TBC1D12: variants seen among roughly 807,000 people sequenced by gnomAD.
The protein encoded by TBC1D12 is TBC1 domain family, member 12.
TBC1D12 carries 56 observed loss-of-function variants against 86.7 expected under a neutral mutation model. The ratio of observed to expected loss-of-function variants is 0.65; its 90% CI spans 0.52 to 0.81. The LOEUF is 0.81. Among genes scored for constraint, TBC1D12 ranks in the 30% least tolerant of loss-of-function variants. The pLI is 0.00. For synonymous variants in TBC1D12, 421 were observed against 411.7 expected, an observed-to-expected ratio of 1.02 and a Z score of -0.27; for missense variants, 1,023 against 1,038.8, an observed-to-expected ratio of 0.98 and a Z score of 0.21.
chr10:94,469,804 C>T (rs2055877426), intron 2 of TBC1D12, among the ~76,000 whole-genome samples: 1 of 152,172 alleles, frequency 6.6e-6, no homozygotes, highest in Admixed American at 6.5e-5. Flanking sequence ...CCCCAAAATT[C>T]TAGCCCTTTG....
At chr10:94,522,160 C>A in intron 10 of TBC1D12, 77 bp downstream of exon 10, 1 of 1,489,348 alleles carries the variant, frequency 6.7e-7, no homozygotes, top group South Asian at 1.3e-5. Context: ...ATTAGAAGGC[C>A]AAAACAATCT....
chr10:94,525,183 G>T (rs1842255802), intron 11 of TBC1D12, among the ~76,000 whole-genome samples: 1 of 152,130 alleles, frequency 6.6e-6, no homozygotes, highest in Non-Finnish European at 1.5e-5. Flanking sequence ...TAAGAGAGGT[G>T]GGATTTTAGA....
At chr10:94,423,160 A>G (rs1022575400) in intron 1 of TBC1D12, among the ~76,000 whole-genome samples, 30 of 152,110 alleles carry the variant, frequency 2.0e-4, no homozygotes, top group Non-Finnish European at 4.0e-4. Flanking sequence ...TAAGTAAAAT[A>G]AGAAAATAAA....
At chr10:94,423,465 A>T (rs918693877) in intron 1 of TBC1D12, among the ~76,000 whole-genome samples, 1 of 148,160 alleles carries the variant, frequency 6.7e-6, no homozygotes, top group African/African-American at 2.5e-5. Context: ...CTCCTGCCTC[A>T]GCCTCCTGAG....
intron 3 of TBC1D12, among the ~76,000 whole-genome samples, chr10:94,487,818 T>A (rs1199454059): frequency 2.0e-5 from 3 of 150,022 alleles, no homozygotes; most frequent in Non-Finnish European, 3.0e-5. Context: ...CACCTCAGAC[T>A]CCCGAGTAGC....
At chr10:94,421,278 G>C (rs2055070134) in intron 1 of TBC1D12, among the ~76,000 whole-genome samples, 1 of 152,102 alleles carries the variant, frequency 6.6e-6, no homozygotes, top group South Asian at 2.1e-4. Flanking sequence ...AGATCATGTG[G>C]TATTTGTCTG....
intron 11 of TBC1D12, among the ~76,000 whole-genome samples, chr10:94,528,747 G>A (rs1377133022): frequency 4.0e-5 from 6 of 151,544 alleles, no homozygotes; most frequent in Non-Finnish European, 7.4e-5. Context: ...TCTTGAACCC[G>A]GGAGGCAGAG....
At chr10:94,417,340 ATAAGT>A (rs1230456218) in intron 1 of TBC1D12, among the ~76,000 whole-genome samples, 2 of 152,230 alleles carry the variant, frequency 1.3e-5, no homozygotes, top group Admixed American at 1.3e-4. Flanking sequence ...GGGGTGGTTA[ATAAGT>A]TGAGTGAGAC....
chr10:94,510,009 C>CTG, intron 7 of TBC1D12, 82 bp from the exon 8 acceptor site: 1 of 900,722 alleles, frequency 1.1e-6, no homozygotes, highest in Non-Finnish European at 1.8e-6. Context: ...ATAACACATG[C>CTG]TGTGTGATCA....
intron 2 of TBC1D12, among the ~76,000 whole-genome samples, chr10:94,463,185 G>A (rs1207847797): frequency 6.6e-6 from 1 of 152,034 alleles, no homozygotes; most frequent in Admixed American, 6.6e-5. Flanking sequence ...GGGATTTTAC[G>A]GATATGTTTT....
intron 12 of TBC1D12, among the ~76,000 whole-genome samples, chr10:94,532,011 G>C (rs1842447743): frequency 6.6e-6 from 1 of 151,192 alleles, no homozygotes; most frequent in South Asian, 2.1e-4. Context: ...CTCCCAAGTA[G>C]CTGGGACTAC....
At chr10:94,503,412 A>G (rs1265523458) in intron 6 of TBC1D12, among the ~76,000 whole-genome samples, 1 of 152,224 alleles carries the variant, frequency 6.6e-6, no homozygotes, top group Non-Finnish European at 1.5e-5. Context: ...CTCTGAGGAA[A>G]TAGCCAGGAT....
chr10:94,464,532 C>T (rs1589634557), intron 2 of TBC1D12, among the ~76,000 whole-genome samples: 1 of 152,178 alleles, frequency 6.6e-6, no homozygotes, highest in Non-Finnish European at 1.5e-5. Context: ...GTGGTGCAGT[C>T]TTGGCTCACT....
At chr10:94,528,476 G>A (rs1842350740) in intron 11 of TBC1D12, among the ~76,000 whole-genome samples, 1 of 152,152 alleles carries the variant, frequency 6.6e-6, no homozygotes. Context: ...ATTATAGAAT[G>A]GTGGGTGAAT....
At chr10:94,431,820 T>A (rs1343228530) in intron 1 of TBC1D12, among the ~76,000 whole-genome samples, 1 of 152,130 alleles carries the variant, frequency 6.6e-6, no homozygotes, top group Non-Finnish European at 1.5e-5. Flanking sequence ...TCAGCAGCAG[T>A]GTCTGCTGCC....
chr10:94,409,154 C>A (rs893589849), intron 1 of TBC1D12, among the ~76,000 whole-genome samples: 2 of 151,790 alleles, frequency 1.3e-5, no homozygotes, highest in Non-Finnish European at 2.9e-5. Context: ...AAAAACCCCC[C>A]AAAAAACAAC....
chr10:94,477,514 A>G (rs2056009268), intron 3 of TBC1D12, among the ~76,000 whole-genome samples: 1 of 152,206 alleles, frequency 6.6e-6, no homozygotes, highest in Non-Finnish European at 1.5e-5. Flanking sequence ...CCTGGGTACA[A>G]CCTGAGTACT....
chr10:94,474,897 C>T (rs1190092648), intron 3 of TBC1D12, 114 bp downstream of exon 3: 1 of 975,702 alleles, frequency 1.0e-6, no homozygotes, highest in Non-Finnish European at 1.5e-6. Flanking sequence ...TTAATTTTTA[C>T]AAAATTTAAT....
At chr10:94,454,612 A>G (rs1234299726) in intron 2 of TBC1D12, among the ~76,000 whole-genome samples, 1 of 152,136 alleles carries the variant, frequency 6.6e-6, no homozygotes, top group Non-Finnish European at 1.5e-5. Context: ...GATCTTGCAT[A>G]TGTTTTGTTA....
Sources: gnomAD v4.1 joint callset for allele counts (sites outside exome capture counted in the v4.1 genomes callset) on GRCh38, gnomAD v4.1.1 for gene constraint, MANE v1.5 for transcripts, NCBI Gene and HGNC (gene_info 2026-07-23, HGNC 2026-07-21) for gene names.